The following DPEP2 variants were observed in gnomAD, a reference collection of about 807,000 sequenced individuals.
The protein encoded by DPEP2 is dipeptidase 2.
In DPEP2, 45 loss-of-function variants were observed where a neutral mutation model predicts 51.8. That is an observed-to-expected ratio of 0.87 (90% CI 0.68 to 1.11). The LOEUF is 1.11. Ranked by LOEUF, DPEP2 falls within the 50% of genes most tolerant of loss-of-function variation. The probability of loss-of-function intolerance (pLI) is 0.00; values close to 1 mark genes in which losing one functional copy is unlikely to be tolerated. For synonymous variants in DPEP2, 255 were observed against 262.7 expected (o/e 0.97, Z 0.28); for missense variants, 604 against 631.9 (o/e 0.96, Z 0.47).
intron 1 of DPEP2, 164 bp from the exon 2 acceptor site, chr16:67,993,421 C>A (rs2151384067): frequency 7.9e-7 from 1 of 1,263,404 alleles, no homozygotes; most frequent in South Asian, 3.0e-5. Context: ...AGGGGGCGCC[C>A]AGCCCTCCCG....
At chr16:67,992,272 C>G in intron 3 of DPEP2, 79 bp from the exon 4 acceptor site, 4 of 1,550,896 alleles carry the variant, frequency 2.6e-6, no homozygotes, top group East Asian at 4.5e-5. Context: ...CCACAGCTGA[C>G]AGAGCACCCA....
In DPEP2 at chr16:67,991,625, G is replaced by T. The variant is rs552623884; in HGVS notation, c.662+213C>A. On this transcript the variant is annotated intron_variant, in intron 5 of 10. Coordinates refer to ENST00000393847, the MANE Select transcript of DPEP2 (RefSeq NM_022355.4). This position sits in a 1 kb window ranked among gnomAD's most constrained non-coding sequence, Gnocchi z 5.1. ...ACTCCTGGCCTTAAGTTATCTGTCC[G>T]CCTCAGCCTCCCAAAGTTTTGGGAT... 6 of 662,440 alleles carry T rather than the reference G, an allele frequency of 9.1e-6. No homozygotes were observed. In the South Asian group the frequency reaches 1.3e-4, roughly 15 times the overall value. 41.0% of individuals were successfully genotyped at this position (662,440 alleles called of 1,614,324 possible).
At chr16:67,990,025 A>C in intron 8 of DPEP2, 22 bp downstream of exon 8, 1 of 1,613,584 alleles carries the variant, frequency 6.2e-7, no homozygotes, top group Non-Finnish European at 8.5e-7. Flanking sequence ...AACTGTTCAG[A>C]GAGCCCGGGA....
chr16:67,994,237 C>T, intron 1 of DPEP2: 1 of 985,532 alleles, frequency 1.0e-6, no homozygotes, highest in Non-Finnish European at 1.2e-6. Flanking sequence ...TCGTCCAGGT[C>T]AGGAGTAAGG....
rs746948522 is a variant in DPEP2, at chr16:67,991,166, C to G, written c.681G>C (p.Lys227Asn). The G allele has an allele frequency of 2.5e-6, 4 of 1,613,220 alleles. No individual in the cohort carries two copies. Among genetic ancestry groups the G allele is most frequent in the Non-Finnish European group, 3.4e-6 (4 of 1,180,034 alleles). Residue 227 changes from lysine to asparagine, a missense_variant, in exon 6 of 11, where the codon AAG becomes AAC. Coordinates refer to ENST00000393847, the MANE Select transcript of DPEP2 (RefSeq NM_022355.4). This position sits in a 1 kb window ranked among gnomAD's most constrained non-coding sequence, Gnocchi z 5.1. ...TGTTGTTGTAGAAGGAGTGGACGCCCTTAGCGGAGCTCTCTGCCCTGCAGG... is the reference window on the plus strand; with the variant it reads ...TGTTGTTGTAGAAGGAGTGGACGCCGTTAGCGGAGCTCTCTGCCCTGCAGG... ...CNTPWAESSAKGVHSFYNNIS... is the reference protein window; with the variant it reads ...CNTPWAESSANGVHSFYNNIS...
intron 7 of DPEP2, 87 bp from the exon 8 acceptor site, chr16:67,990,218 T>C: frequency 7.8e-7 from 1 of 1,289,420 alleles, no homozygotes. Context: ...CTGGAGAGGG[T>C]GTTCAGCTCT....
Position 67,992,982 on chromosome 16 carries a change from C to A in DPEP2, c.231G>T (p.Arg77=). ...PSTQGLQEQA[R]ALMRDFPLVD... ...CGAGCGGGAAGTCCCGCATCAGGGC[C>A]CGTGCCTGCTCTTGCAGGCCCTGGG... is the stretch of plus-strand genomic sequence containing the variant. Residue 77 remains arginine, a synonymous_variant, in exon 2 of 11, where the codon CGG becomes CGT. Coordinates refer to ENST00000393847, the MANE Select transcript of DPEP2 (RefSeq NM_022355.4). 6.2e-7 allele frequency: 1 copy of A among 1,611,256 alleles called. No homozygotes were observed. Among genetic ancestry groups the A allele is most frequent in the South Asian group, 1.1e-5 (1 of 90,596 alleles).
In DPEP2 at chr16:67,989,320, C is replaced by T; in HGVS notation, c.1070+3G>A. 1 of 1,614,172 alleles carries T rather than the reference C, an allele frequency of 6.2e-7. No individual in the cohort carries two copies. Among genetic ancestry groups the T allele is most frequent in the South Asian group, 1.1e-5 (1 of 91,080 alleles). On this transcript the variant is annotated splice_donor_region_variant and intron_variant, in intron 9 of 10. Coordinates refer to ENST00000393847, the MANE Select transcript of DPEP2 (RefSeq NM_022355.4). Reference sequence around the variant, plus strand: ...CAAGACAAGCCACAGGGAAGGCACTCACTTGCCGGCCCCATCATAATCTCC... The same window carrying T: ...CAAGACAAGCCACAGGGAAGGCACTTACTTGCCGGCCCCATCATAATCTCC...
upstream of DPEP2, chr16:68,000,520 C>T (rs1049455238): frequency 3.0e-6 from 3 of 983,750 alleles, no homozygotes; most frequent in African/African-American, 3.5e-5. Flanking sequence ...TCATGCTTCC[C>T]TTTGATGTCG....
intron 1 of DPEP2, among the ~76,000 whole-genome samples, chr16:67,998,456 G>A (rs952480465): frequency 1.8e-4 from 28 of 152,336 alleles, no homozygotes; most frequent in Admixed American, 1.4e-3. Flanking sequence ...TCCCGGGGGG[G>A]CAGGGCTCGG....
rs2032118379 is a variant in DPEP2, at chr16:67,991,267, T to A, written c.663-83A>T. The A allele has an allele frequency of 7.1e-7, 1 of 1,399,020 alleles. No individual in the cohort carries two copies. Among genetic ancestry groups the A allele is most frequent in the Non-Finnish European group, 9.9e-7 (1 of 1,010,884 alleles). The allele number at this position is 1,399,020 out of a possible 1,614,324, so 86.7% of individuals were successfully genotyped here. ...AGAGGCCCTACCCACCCTCCATCCC[T>A]GCACCCCCCTGAAACAAAAACAGGG... On this transcript the variant is annotated intron_variant, in intron 5 of 10. Transcript: ENST00000393847. This position sits in a 1 kb window ranked among gnomAD's most constrained non-coding sequence, Gnocchi z 5.1.
intron 1 of DPEP2, among the ~76,000 whole-genome samples, chr16:67,998,471 T>A (rs983383745): frequency 5.9e-5 from 9 of 152,216 alleles, no homozygotes; most frequent in African/African-American, 2.2e-4. Context: ...GCTCGGGACC[T>A]GCAGCCCTCC....
At chr16:67,994,846 G>A (rs1051985187) in intron 1 of DPEP2, 4 of 985,328 alleles carry the variant, frequency 4.1e-6, no homozygotes, top group Admixed American at 6.2e-5. Flanking sequence ...AAGGCAGATC[G>A]ATGGCCGAGT....
chr16:67,992,111 C>A lies in DPEP2; in HGVS notation c.473G>T (p.Arg158Leu), dbSNP rs368160537. 1.9e-6 allele frequency: 3 copies of A among 1,614,160 alleles called. No individual in the cohort carries two copies. The highest frequency in any genetic ancestry group is 1.7e-5 in the Admixed American group (1 of 60,006). Residue 158 changes from arginine (R) to leucine (L), a missense_variant, in exon 4 of 11, where the codon CGC becomes CTC. Physicochemically the swap from Arg to Leu is moderately radical, Grantham distance 102 (BLOSUM62 -2). Coordinates refer to ENST00000393847, the MANE Select transcript of DPEP2 (RefSeq NM_022355.4). ...LTLEQIDLIR[R>L]MCASYSELEL... is the part of the protein sequence containing the mutation. ...CAGCTCAGAATAGGAGGCACACATG[C>A]GGCGTATGAGGTCAATCTGCTCCAG...
chr16:67,994,198 C>T, intron 1 of DPEP2: 1 of 985,482 alleles, frequency 1.0e-6, no homozygotes, highest in East Asian at 1.1e-4. Flanking sequence ...GGCCAGGATA[C>T]CTCCTACCTC....
Position 67,990,805 on chromosome 16 carries a change from C to G in DPEP2, c.909+16G>C, listed in dbSNP as rs747289407. 6.2e-7 allele frequency: 1 copy of G among 1,606,078 alleles called. No homozygotes were observed. Among genetic ancestry groups the G allele is most frequent in the Admixed American group, 1.7e-5 (1 of 59,642 alleles). ...GAACCTCTTGCTTTAGGTTCCTGGGCTGGGCAGTTTCTCACCAGAAGCTGC... is the reference window on the plus strand; with the variant it reads ...GAACCTCTTGCTTTAGGTTCCTGGGGTGGGCAGTTTCTCACCAGAAGCTGC... On this transcript the variant is annotated intron_variant, in intron 7 of 10. Coordinates refer to ENST00000393847, the MANE Select transcript of DPEP2 (RefSeq NM_022355.4).
At position 67,991,035 on chromosome 16, in the gene DPEP2, A is replaced by G. The variant is rs1416180775; in HGVS notation, c.733-38T>C. The G allele has an allele frequency of 1.9e-6, 3 of 1,613,954 alleles. No homozygotes were observed. The highest frequency in any genetic ancestry group is 2.2e-5 in the South Asian group (2 of 91,084). ...GTTGGGAGAAGGGTATCAGGGGTGC[A>G]CATGTGTATACATTTATTTGTAAGA... On this transcript the variant is annotated intron_variant, in intron 6 of 10. Transcript: ENST00000393847. This position sits in a 1 kb window ranked among gnomAD's most constrained non-coding sequence, Gnocchi z 5.1.
At chr16:67,998,694 C>G (rs182809184) in intron 1 of DPEP2, among the ~76,000 whole-genome samples, 1 of 152,066 alleles carries the variant, frequency 6.6e-6, no homozygotes, top group South Asian at 2.1e-4. Context: ...CTGGTGGGGA[C>G]GTGGACAATC....
At chr16:67,989,004 A>T (rs988054074) in intron 9 of DPEP2, among the ~76,000 whole-genome samples, 5 of 152,114 alleles carry the variant, frequency 3.3e-5, no homozygotes, top group South Asian at 2.1e-4. Context: ...GGAGAGGAAG[A>T]GCTTCTTCAG....
Sources: allele counts gnomAD v4.1 joint callset (sites outside exome capture counted in the v4.1 genomes callset), GRCh38; gene constraint gnomAD v4.1.1; non-coding constraint Gnocchi (gnomAD v3.1); transcripts MANE v1.5; gene names NCBI Gene and HGNC (gene_info 2026-07-23, HGNC 2026-07-21).